Variants in GRB2 observed in about 807,000 individuals in gnomAD.
The protein encoded by GRB2 is growth factor receptor-bound protein 2.
A neutral mutation model predicts 27.4 loss-of-function variants in GRB2; 2 were observed. The observed-to-expected ratio is 0.07, with a 90% CI of 0.03 to 0.23. The LOEUF (loss-of-function observed/expected upper bound fraction) is 0.23. GRB2 is among the 10% of genes least tolerant of loss of function. The pLI, the probability that GRB2 is intolerant of heterozygous loss-of-function variation, is 1.00. For missense variants in GRB2, 102 were observed against 282.4 expected (o/e 0.36, Z 4.58); for synonymous variants, 94 against 99.6 (o/e 0.94, Z 0.33).
At chr17:75,381,889 T>C (rs1598249504) in intron 2 of GRB2, among the ~76,000 whole-genome samples, 1 of 152,132 alleles carries the variant, frequency 6.6e-6, no homozygotes, top group African/African-American at 2.4e-5. Flanking sequence ...TAAAAGCTCT[T>C]GCATTTTTCA....
intron 2 of GRB2, among the ~76,000 whole-genome samples, chr17:75,363,607 C>G (rs2078799499): frequency 6.7e-6 from 1 of 149,550 alleles, no homozygotes; most frequent in Non-Finnish European, 1.5e-5. Flanking sequence ...CGCCTGTAAT[C>G]CCAGCACTTT....
At chr17:75,332,877 T>C in intron 2 of GRB2, 80 bp from the exon 3 acceptor site, 2 of 884,694 alleles carry the variant, frequency 2.3e-6, no homozygotes, top group Non-Finnish European at 3.6e-6. Flanking sequence ...AATTATGCTA[T>C]CTTTTAGGTC....
At chr17:75,353,219 A>G (rs1939204417) in intron 2 of GRB2, among the ~76,000 whole-genome samples, 1 of 150,236 alleles carries the variant, frequency 6.7e-6, no homozygotes, top group African/African-American at 2.4e-5. Flanking sequence ...TGTACCTTGT[A>G]TTCATGGGGG....
At chr17:75,342,362 T>C (rs187168662) in intron 2 of GRB2, among the ~76,000 whole-genome samples, 1 of 152,284 alleles carries the variant, frequency 6.6e-6, no homozygotes, top group East Asian at 1.9e-4. Flanking sequence ...GGCTTTGTTC[T>C]AAGTGTTCTA....
chr17:75,325,016 C>T (rs1295831691), intron 4 of GRB2, among the ~76,000 whole-genome samples: 1 of 152,052 alleles, frequency 6.6e-6, no homozygotes, highest in Non-Finnish European at 1.5e-5. Flanking sequence ...GTGGAGGTTG[C>T]AGTGAGCTGA....
At chr17:75,378,801 T>C (rs1310926914) in intron 2 of GRB2, among the ~76,000 whole-genome samples, 1 of 152,202 alleles carries the variant, frequency 6.6e-6, no homozygotes, top group Non-Finnish European at 1.5e-5. Context: ...TTGTACGGTC[T>C]ACCAGTTCTC....
At chr17:75,404,989 T>C (rs1439736464) in intron 1 of GRB2, 2 of 151,590 alleles carry the variant, frequency 1.3e-5, no homozygotes, top group Non-Finnish European at 2.9e-5. Context: ...AGAATAAAGG[T>C]ATCTCCCCCG....
At chr17:75,346,808 T>C (rs996177922) in intron 2 of GRB2, among the ~76,000 whole-genome samples, 2 of 151,896 alleles carry the variant, frequency 1.3e-5, no homozygotes, top group Non-Finnish European at 2.9e-5. Context: ...TAACCTCAAG[T>C]CACCTTGGCC....
intron 4 of GRB2, among the ~76,000 whole-genome samples, chr17:75,325,359 T>C (rs1198754686): frequency 1.3e-5 from 2 of 152,228 alleles, no homozygotes; most frequent in Non-Finnish European, 2.9e-5. Context: ...TGCTGGTTTC[T>C]ATTCTCCACA....
chr17:75,393,698 G>A lies in GRB2; in HGVS notation c.-70C>T, dbSNP rs2079012520. ...GAGTCTTCCCTGCTGAAGCAACCCA[G>A]CGCTCTGGGCTTAGCCTCGCCTCTC... On this transcript the variant is annotated 5_prime_UTR_variant, in exon 2 of 6. Coordinates refer to ENST00000316804, the MANE Select transcript of GRB2 (RefSeq NM_002086.5). 2 of 1,240,254 alleles carry A rather than the reference G, an allele frequency of 1.6e-6. No homozygotes were observed. The highest frequency in any genetic ancestry group is 2.4e-6 in the Non-Finnish European group (2 of 844,224). The allele number at this position is 1,240,254 out of a possible 1,614,324, so 76.8% of individuals were successfully genotyped here.
chr17:75,355,546 A>G (rs77239466), intron 2 of GRB2, among the ~76,000 whole-genome samples: 4,142 of 119,750 alleles, frequency 0.035, 98 homozygotes, highest in Non-Finnish European at 0.045. Flanking sequence ...GCCATACTGG[A>G]AAAAAAAAAA....
chr17:75,393,046 G>A (rs571842613), intron 2 of GRB2, among the ~76,000 whole-genome samples: 1 of 152,248 alleles, frequency 6.6e-6, no homozygotes, highest in South Asian at 2.1e-4. Flanking sequence ...ATACACTGAA[G>A]TTCTTTAATG....
intron 2 of GRB2, among the ~76,000 whole-genome samples, chr17:75,341,844 C>G (rs1193875284): frequency 2.0e-5 from 3 of 152,146 alleles, no homozygotes; most frequent in Non-Finnish European, 4.4e-5. Flanking sequence ...CGCTTAAGTG[C>G]TCCAAAGTTA....
intron 2 of GRB2, among the ~76,000 whole-genome samples, chr17:75,381,728 AAAAAAAG>A (rs1389326628): frequency 3.5e-5 from 5 of 142,642 alleles, no homozygotes; most frequent in African/African-American, 1.3e-4. Context: ...CTCAAAAAAA[AAAAAAAG>A]AAAAAAAAAA....
chr17:75,405,070 G>A (rs146964613), intron 1 of GRB2: 29 of 152,348 alleles, frequency 1.9e-4, no homozygotes, highest in African/African-American at 6.0e-4. Flanking sequence ...GCCAGGAGAT[G>A]GTGACGTGGT....
intron 2 of GRB2, among the ~76,000 whole-genome samples, chr17:75,369,845 G>C (rs1209064928): frequency 7.5e-6 from 1 of 132,882 alleles, no homozygotes; most frequent in Non-Finnish European, 1.7e-5. Flanking sequence ...GGGCAACAGA[G>C]ACTCCGTCTC....
chr17:75,371,080 T>G (rs1014398443), intron 2 of GRB2: 5 of 152,248 alleles, frequency 3.3e-5, no homozygotes, highest in African/African-American at 1.2e-4. Context: ...GAGGCCAAGG[T>G]GGGAGGACTG....
chr17:75,325,025 G>A (rs1375713755), intron 4 of GRB2, among the ~76,000 whole-genome samples: 1 of 152,138 alleles, frequency 6.6e-6, no homozygotes, highest in Non-Finnish European at 1.5e-5. Flanking sequence ...GCAGTGAGCT[G>A]AGGCATGCCA....
chr17:75,320,294 G>C lies in GRB2; in HGVS notation c.*74C>G. On this transcript the variant is annotated 3_prime_UTR_variant, in exon 6 of 6. Coordinates refer to ENST00000316804, the MANE Select transcript of GRB2 (RefSeq NM_002086.5). The surrounding 1 kb of genome is among the most constrained non-coding windows in gnomAD (Gnocchi z 4.3). ...CACTCCCTCACAGGCTGCTGTCAGA[G>C]GCAGCTTGTGGGTTTAATTCTTTTG... 1 of 1,295,740 alleles carries C rather than the reference G, an allele frequency of 7.7e-7. No homozygotes were observed. Among genetic ancestry groups the C allele is most frequent in the South Asian group, 1.2e-5 (1 of 81,068 alleles). The allele number at this position is 1,295,740 out of a possible 1,614,324, so 80.3% of individuals were successfully genotyped here. A position where few individuals can be genotyped will look rare whatever the true frequency, so the allele number is the denominator to read the frequency against.
Sources: allele counts gnomAD v4.1 joint callset (sites outside exome capture counted in the v4.1 genomes callset), GRCh38; gene constraint gnomAD v4.1.1; non-coding constraint Gnocchi (gnomAD v3.1); transcripts MANE v1.5; gene names NCBI Gene and HGNC (gene_info 2026-07-23, HGNC 2026-07-21).